The following ARHGEF7 variants were observed in gnomAD, a reference collection of about 807,000 sequenced individuals.
ARHGEF7 encodes the protein PAK-interacting exchange factor beta.
ARHGEF7 carries 33 observed loss-of-function variants against 109.8 expected under a neutral mutation model. That is an observed-to-expected ratio of 0.30 (90% CI 0.23 to 0.40). The LOEUF (loss-of-function observed/expected upper bound fraction) is 0.40, where lower values mean the gene tolerates loss of function less well. Ranked by LOEUF, ARHGEF7 falls within the 10% of genes least tolerant of loss-of-function variation. The pLI, the probability that ARHGEF7 is intolerant of heterozygous loss-of-function variation, is 1.00. For missense variants in ARHGEF7, 938 were observed against 1,098.5 expected, an observed-to-expected ratio of 0.85 and a Z score of 2.07; for synonymous variants, 458 against 424.6, an observed-to-expected ratio of 1.08 and a Z score of -0.97.
intron 2 of ARHGEF7, among the ~76,000 whole-genome samples, chr13:111,194,113 G>A (rs1157585296): frequency 6.6e-6 from 1 of 152,192 alleles, no homozygotes; most frequent in Admixed American, 6.5e-5. Context: ...TAAACAGTGA[G>A]GCCAGCCTTT....
chr13:111,243,625 T>G (rs1316318188), intron 6 of ARHGEF7, among the ~76,000 whole-genome samples: 5 of 152,244 alleles, frequency 3.3e-5, no homozygotes, highest in African/African-American at 1.2e-4. Flanking sequence ...ATGGAATTCA[T>G]GCTAGGTATA....
At chr13:111,204,081 C>T (rs576869823) in intron 2 of ARHGEF7, among the ~76,000 whole-genome samples, 12 of 152,092 alleles carry the variant, frequency 7.9e-5, no homozygotes, top group African/African-American at 2.4e-4. Context: ...GGGACCTGAC[C>T]GGGTGTGGTG....
At chr13:111,223,971 C>G (rs1191575669) in intron 5 of ARHGEF7, among the ~76,000 whole-genome samples, 3 of 151,884 alleles carry the variant, frequency 2.0e-5, no homozygotes, top group East Asian at 3.9e-4. Context: ...ATTCTCCTAC[C>G]CCAGCCTCCC....
chr13:111,294,782 A>C (rs1172657097), intron 19 of ARHGEF7: 19 of 985,656 alleles, frequency 1.9e-5, no homozygotes, highest in Non-Finnish European at 2.3e-5. Context: ...TTGTACAGTT[A>C]GTATTCTAAT....
intron 6 of ARHGEF7, among the ~76,000 whole-genome samples, chr13:111,237,917 G>T (rs537349781): frequency 2.0e-5 from 3 of 152,318 alleles, no homozygotes; most frequent in Admixed American, 6.5e-5. Flanking sequence ...TATGGGGGAA[G>T]TCTTTGGCAC....
chr13:111,210,385 T>G (rs561045947), intron 4 of ARHGEF7, among the ~76,000 whole-genome samples: 2 of 152,194 alleles, frequency 1.3e-5, no homozygotes, highest in Non-Finnish European at 2.9e-5. Flanking sequence ...AAAGAAGAGA[T>G]GGTTAAAACT....
At chr13:111,235,794 T>C (rs913750031) in intron 6 of ARHGEF7, among the ~76,000 whole-genome samples, 1 of 152,262 alleles carries the variant, frequency 6.6e-6, no homozygotes, top group African/African-American at 2.4e-5. Context: ...TAGGCATTTC[T>C]ACACCCCCTT....
intron 2 of ARHGEF7, among the ~76,000 whole-genome samples, chr13:111,198,099 G>C (rs12428266): frequency 0.25 from 38,261 of 151,878 alleles, 5,856 homozygotes; most frequent in East Asian, 0.78. Flanking sequence ...GTGGAAGCTG[G>C]TACCAGGCAA....
At chr13:111,183,590 C>A (rs896713333) in intron 2 of ARHGEF7, among the ~76,000 whole-genome samples, 1 of 152,160 alleles carries the variant, frequency 6.6e-6, no homozygotes, top group African/African-American at 2.4e-5. Flanking sequence ...GCATAAACTA[C>A]ATGTACATTG....
chr13:111,299,900 T>C (rs1172082212), intron 19 of ARHGEF7, among the ~76,000 whole-genome samples: 1 of 152,212 alleles, frequency 6.6e-6, no homozygotes, highest in African/African-American at 2.4e-5. Flanking sequence ...TTGTGTTCTG[T>C]GATAGATTAT....
intron 2 of ARHGEF7, among the ~76,000 whole-genome samples, chr13:111,192,785 A>G (rs1459254896): frequency 6.6e-6 from 1 of 152,226 alleles, no homozygotes; most frequent in Non-Finnish European, 1.5e-5. Flanking sequence ...GGAGAAGCCC[A>G]AATCTAGGAA....
intron 5 of ARHGEF7, among the ~76,000 whole-genome samples, chr13:111,221,391 G>A (rs185936824): frequency 0.69 from 4,236 of 6,102 alleles, 1,939 homozygotes; most frequent in East Asian, 0.91. Flanking sequence ...ATATATAGAT[G>A]TCTATATATC....
At chr13:111,191,315 A>T (rs1023938815) in intron 2 of ARHGEF7, among the ~76,000 whole-genome samples, 1 of 152,142 alleles carries the variant, frequency 6.6e-6, no homozygotes, top group African/African-American at 2.4e-5. Flanking sequence ...GTTGCATTGG[A>T]TGCATAAAGG....
intron 3 of ARHGEF7, among the ~76,000 whole-genome samples, chr13:111,207,670 T>A (rs1041187985): frequency 6.6e-6 from 1 of 152,222 alleles, no homozygotes; most frequent in Non-Finnish European, 1.5e-5. Flanking sequence ...GGGGTGCTAA[T>A]TAGGACGAAG....
Position 111,209,908 on chromosome 13 carries a change from C to T in ARHGEF7, c.374C>T (p.Pro125Leu), listed in dbSNP as rs762128521. Residue 125 changes from proline (P) to leucine (L), a missense_variant, in exon 4 of 22, where the codon CCC becomes CTC. Physicochemically the swap from Pro to Leu is moderately conservative, Grantham distance 98. This residue lies in a region of ARHGEF7 where 585 missense variants were observed against 723.6 expected (regional missense o/e 0.81). Coordinates refer to ENST00000646102, the MANE Select transcript of ARHGEF7 (RefSeq NM_001354046.2). The part of the protein sequence containing the change: ...GLGSDSVCAR[P>L]SSHRIKSFDS... ...GGGAGTGACTCCGTGTGTGCCCGGC[C>T]CTCGTCTCACCGCATAAAGTCTTTT... 2 of 1,614,146 alleles carry T rather than the reference C, an allele frequency of 1.2e-6. No homozygotes were observed. Among genetic ancestry groups the T allele is most frequent in the South Asian group, 1.1e-5 (1 of 91,074 alleles).
At chr13:111,190,637 A>G (rs918734724) in intron 2 of ARHGEF7, among the ~76,000 whole-genome samples, 2 of 152,190 alleles carry the variant, frequency 1.3e-5, no homozygotes, top group Non-Finnish European at 2.9e-5. Flanking sequence ...CCCTATAAGT[A>G]GGGGTATTAG....
At chr13:111,169,174 A>G (rs527466914) in intron 2 of ARHGEF7, among the ~76,000 whole-genome samples, 1 of 152,326 alleles carries the variant, frequency 6.6e-6, no homozygotes, top group Non-Finnish European at 1.5e-5. Context: ...GTCACTTGGC[A>G]TTGTTGGGAA....
intron 1 of ARHGEF7, among the ~76,000 whole-genome samples, chr13:111,152,106 T>G (rs2153372262): frequency 1.3e-5 from 2 of 152,210 alleles, no homozygotes; most frequent in Middle Eastern, 3.4e-3. Flanking sequence ...CAAAAAAGAG[T>G]GTGTTTCAAG....
At chr13:111,141,722 T>C (rs1477231035) in intron 1 of ARHGEF7, among the ~76,000 whole-genome samples, 2 of 152,200 alleles carry the variant, frequency 1.3e-5, no homozygotes, top group Non-Finnish European at 2.9e-5. Context: ...TCCATTCACC[T>C]ATTGAAGTAC....
Sources: gnomAD v4.1 joint callset for allele counts (sites outside exome capture counted in the v4.1 genomes callset) on GRCh38, gnomAD v4.1.1 for gene constraint, gnomAD v4.1.1 regional missense constraint, MANE v1.5 for transcripts, NCBI Gene and HGNC (gene_info 2026-07-23, HGNC 2026-07-21) for gene names.